MAP7D2: variants seen among roughly 807,000 people sequenced by gnomAD.
The protein encoded by MAP7D2 is MAP7 domain-containing protein 2.
Under a neutral mutation model 63.5 loss-of-function variants are expected in MAP7D2, and 33 were observed. The ratio of observed to expected loss-of-function variants is 0.52; its 90% confidence interval spans 0.39 to 0.70. The LOEUF is 0.70. Ranked by LOEUF, MAP7D2 falls within the 30% of genes least tolerant of loss-of-function variation. The pLI, the probability that MAP7D2 is intolerant of heterozygous loss-of-function variation, is 0.00. For missense variants in MAP7D2, 626 were observed against 604.0 expected (o/e 1.04, Z -0.38); for synonymous variants, 224 against 223.7 (o/e 1.00, Z -0.01).
intron 1 of MAP7D2, among the ~76,000 whole-genome samples, chrX:20,084,389 G>A (rs1465645647): frequency 9.0e-6 from 1 of 111,167 alleles, no homozygotes; most frequent in African/African-American, 3.3e-5. Flanking sequence ...AAATAAACAC[G>A]ATTCCCATTT....
At chrX:20,092,958 C>T (rs1044439569) in intron 1 of MAP7D2, among the ~76,000 whole-genome samples, 9 of 112,116 alleles carry the variant, frequency 8.0e-5, no homozygotes, top group Non-Finnish European at 1.3e-4. Context: ...AGTACTCACT[C>T]ACATGGGCCA....
At chrX:20,013,026 G>C in intron 14 of MAP7D2, 28 bp downstream of exon 14, 1 of 1,157,935 alleles carries the variant, frequency 8.6e-7, no homozygotes, top group South Asian at 1.8e-5. Flanking sequence ...CTAAAAGGAA[G>C]AACCCAAGAA....
At chrX:20,010,432 T>C (rs1434774595) in intron 16 of MAP7D2, among the ~76,000 whole-genome samples, 2 of 109,792 alleles carry the variant, frequency 1.8e-5, no homozygotes, top group Non-Finnish European at 3.8e-5. Flanking sequence ...GAAATTCATC[T>C]TATTCATATC....
At chrX:20,110,941 C>A (rs919242796) in intron 1 of MAP7D2, among the ~76,000 whole-genome samples, 5 of 111,500 alleles carry the variant, frequency 4.5e-5, no homozygotes, top group African/African-American at 1.6e-4. Context: ...TCTAGGCTGG[C>A]CTTGGGACTT....
At chrX:20,098,009 T>C (rs2066318117) in intron 1 of MAP7D2, among the ~76,000 whole-genome samples, 1 of 111,601 alleles carries the variant, frequency 9.0e-6, no homozygotes, top group Non-Finnish European at 1.9e-5. Flanking sequence ...AGACCATACA[T>C]AAATATATCA....
intron 1 of MAP7D2, among the ~76,000 whole-genome samples, chrX:20,067,139 AG>A (rs1261724584): frequency 8.9e-6 from 1 of 112,468 alleles, no homozygotes. Context: ...TCACCCACCC[AG>A]GCAGGGCCTG....
chrX:20,116,620 G>A (rs1343340649), intron 1 of MAP7D2, 130 bp downstream of exon 1: 1 of 998,934 alleles, frequency 1.0e-6, no homozygotes. Flanking sequence ...GCCAGGGAAA[G>A]GGCGTTTATC....
At chrX:20,033,652 G>A (rs1461283055) in intron 8 of MAP7D2, among the ~76,000 whole-genome samples, 4 of 112,207 alleles carry the variant, frequency 3.6e-5, no homozygotes, top group Non-Finnish European at 7.5e-5. Flanking sequence ...GAGCTTAGGA[G>A]GTCACAGGAA....
chrX:20,063,518 G>C lies in MAP7D2; in HGVS notation c.268C>G (p.Gln90Glu). The change falls in exon 3 of 17, where the codon CAA (glutamine) becomes GAA (glutamate). Residue 90 changes from glutamine to glutamate, a missense_variant. Gln to Glu is a conservative substitution (Grantham distance 29). Transcript: ENST00000379643. ...AGTTTTCGCCATCGCTCCTCCATTT[G>C]CTTTTCGTACTGCAGCCTGGCTCTT... ...QKRARLQYEK[Q>E]MEERWRKLEE... is the part of the protein sequence containing the mutation. 2 of 1,211,959 alleles carry C rather than the reference G, an allele frequency of 1.7e-6. No individual in the cohort carries two copies. Among genetic ancestry groups the C allele is most frequent in the African/African-American group, 3.5e-5 (2 of 57,901 alleles).
At chrX:20,048,646 ACAG>A (rs1270828283) in intron 6 of MAP7D2, among the ~76,000 whole-genome samples, 1 of 110,781 alleles carries the variant, frequency 9.0e-6, no homozygotes, top group Non-Finnish European at 1.9e-5. Context: ...AGTATACAGG[ACAG>A]GCATGGTGGC....
intron 1 of MAP7D2, among the ~76,000 whole-genome samples, chrX:20,096,204 G>A (rs1490024119): frequency 9.5e-6 from 1 of 105,171 alleles, no homozygotes; most frequent in Non-Finnish European, 1.9e-5. Context: ...AAGACAAGAG[G>A]ATTGCTTAAG....
At position 20,050,868 on chromosome X, in the gene MAP7D2, C is replaced by G; in HGVS notation, c.674G>C (p.Arg225Thr). The G allele has an allele frequency of 8.4e-7, 1 of 1,190,068 alleles. No homozygotes were observed. Among genetic ancestry groups the G allele is most frequent in the Non-Finnish European group, 1.1e-6 (1 of 883,987 alleles). Reference sequence around the variant, plus strand: ...AGAGAGCATGACTGAAGCTCTGCTTCTGGCTAAAGAAGACTGTGTGGGTGT... The same window carrying G: ...AGAGAGCATGACTGAAGCTCTGCTTGTGGCTAAAGAAGACTGTGTGGGTGT... Reference protein sequence around the residue: ...LLTPTQSSLARSRASVMLSGQ... With the variant: ...LLTPTQSSLATSRASVMLSGQ... Residue 225 changes from arginine to threonine, a missense_variant, in exon 6 of 17, where the codon AGA becomes ACA. Physicochemically the swap from Arg to Thr is moderately conservative, Grantham distance 71. Coordinates refer to ENST00000379643, the MANE Select transcript of MAP7D2 (RefSeq NM_001168465.2).
At chrX:20,023,672 C>G (rs1340354132) in intron 10 of MAP7D2, among the ~76,000 whole-genome samples, 1 of 111,565 alleles carries the variant, frequency 9.0e-6, no homozygotes, top group Non-Finnish European at 1.9e-5. Context: ...TTCTTTAGCA[C>G]ACGACTACGA....
intron 4 of MAP7D2, 122 bp from the exon 5 acceptor site, chrX:20,053,110 T>C: frequency 2.1e-6 from 1 of 486,645 alleles, no homozygotes; most frequent in East Asian, 3.7e-5. Context: ...TGGCACAGCA[T>C]GCTCTGCTTT....
intron 1 of MAP7D2, among the ~76,000 whole-genome samples, chrX:20,069,149 A>T (rs1288269092): frequency 9.0e-5 from 10 of 111,617 alleles, no homozygotes; most frequent in Non-Finnish European, 1.9e-4. Flanking sequence ...AAAATGTCTA[A>T]CTTTCCTACC....
chrX:20,081,534 G>C (rs1478387259), intron 1 of MAP7D2, among the ~76,000 whole-genome samples: 4 of 111,656 alleles, frequency 3.6e-5, no homozygotes, highest in Non-Finnish European at 5.6e-5. Context: ...GGTTGTTTGG[G>C]GTCCCTCCAA....
intron 1 of MAP7D2, among the ~76,000 whole-genome samples, chrX:20,078,962 A>G (rs998277003): frequency 2.7e-5 from 3 of 109,747 alleles, no homozygotes; most frequent in East Asian, 2.9e-4. Context: ...GAGAGTGTAC[A>G]TATTTGCCAA....
intron 8 of MAP7D2, among the ~76,000 whole-genome samples, chrX:20,031,769 A>C (rs1166554520): frequency 8.9e-6 from 1 of 111,987 alleles, no homozygotes; most frequent in African/African-American, 3.2e-5. Context: ...TCTGTCTCAA[A>C]AAAACCCAGA....
At chrX:20,010,457 C>T (rs761469384) in intron 16 of MAP7D2, among the ~76,000 whole-genome samples, 96 of 93,393 alleles carry the variant, frequency 1.0e-3, no homozygotes, top group Non-Finnish European at 1.7e-3. Flanking sequence ...TGCAACACTA[C>T]TAGAGTATTC....
Sources: gnomAD v4.1 joint callset for allele counts (sites outside exome capture counted in the v4.1 genomes callset) on GRCh38, gnomAD v4.1.1 for gene constraint, MANE v1.5 for transcripts, NCBI Gene and HGNC (gene_info 2026-07-23, HGNC 2026-07-21) for gene names.